NFATC1: variants seen among roughly 807,000 people sequenced by gnomAD.
The protein encoded by NFATC1 is nuclear factor of activated T cells 1.
NFATC1 carries 22 observed loss-of-function variants against 76.0 expected under a neutral mutation model. The ratio of observed to expected loss-of-function variants is 0.29; its 90% CI spans 0.21 to 0.41. NFATC1 has a LOEUF of 0.41. Among genes scored for constraint, NFATC1 ranks in the 10% least tolerant of loss-of-function variants. The pLI, the probability that NFATC1 is intolerant of heterozygous loss-of-function variation, is 1.00. For missense variants in NFATC1, 1,357 were observed against 1,337.7 expected, an observed-to-expected ratio of 1.01 and a Z score of -0.23; for synonymous variants, 704 against 613.1, an observed-to-expected ratio of 1.15 and a Z score of -2.19.
chr18:79,400,570 G>T, intron 1 of NFATC1: 2 of 1,181,124 alleles, frequency 1.7e-6, no homozygotes, highest in Non-Finnish European at 2.2e-6. Context: ...CGCTCCCCGG[G>T]GACCCCAGGA....
intron 2 of NFATC1, among the ~76,000 whole-genome samples, chr18:79,425,357 C>T (rs1013682422): frequency 5.3e-5 from 8 of 152,232 alleles, no homozygotes; most frequent in African/African-American, 1.2e-4. Flanking sequence ...ATGAGGCCCG[C>T]GGCTGCCGGC....
chr18:79,521,232 A>G (rs1384652839), intron 9 of NFATC1, among the ~76,000 whole-genome samples: 2 of 69,106 alleles, frequency 2.9e-5, no homozygotes, highest in African/African-American at 6.0e-5. Flanking sequence ...TGGGGGGTGG[A>G]GCATCCACTG....
chr18:79,410,798 A>G lies in NFATC1; in HGVS notation c.523A>G (p.Ser175Gly), dbSNP rs1259597905. Residue 175 changes from serine (S) to glycine (G), a missense_variant, in exon 2 of 10, where the codon AGC becomes GGC. Coordinates refer to ENST00000427363, the MANE Select transcript of NFATC1 (RefSeq NM_001278669.2). This position sits in a 1 kb window ranked among gnomAD's most constrained non-coding sequence, Gnocchi z 6.7. Reference sequence around the variant, plus strand: ...AGACCCCTCGTGCCTGAGCCCGGCCAGCAGCCTGTCCTCCCGGAGCTGCAA... The same window carrying G: ...AGACCCCTCGTGCCTGAGCCCGGCCGGCAGCCTGTCCTCCCGGAGCTGCAA... ...YRDPSCLSPA[S>G]SLSSRSCNSE... is the part of the protein sequence containing the mutation. 1.2e-5 allele frequency: 19 copies of G among 1,612,668 alleles called. No homozygotes were observed. Among genetic ancestry groups the G allele is most frequent in the Non-Finnish European group, 1.5e-5 (18 of 1,179,874 alleles).
intron 1 of NFATC1, among the ~76,000 whole-genome samples, chr18:79,402,127 A>G (rs543654102): frequency 6.6e-6 from 1 of 152,312 alleles, no homozygotes; most frequent in African/African-American, 2.4e-5. Flanking sequence ...TGCACACGTG[A>G]CTGTGCGCGA....
At chr18:79,409,819 T>G (rs1316874058) in intron 1 of NFATC1, among the ~76,000 whole-genome samples, 1 of 152,258 alleles carries the variant, frequency 6.6e-6, no homozygotes, top group African/African-American at 2.4e-5. Context: ...AGATGTTCTG[T>G]CTTCATGGAA....
intron 9 of NFATC1, chr18:79,496,089 G>C (rs1326301817): frequency 2.0e-5 from 3 of 152,694 alleles, no homozygotes; most frequent in Non-Finnish European, 4.4e-5. Context: ...TTGTAACGCT[G>C]TGTTTTTCTG....
intron 6 of NFATC1, among the ~76,000 whole-genome samples, chr18:79,453,814 T>A (rs1351585756): frequency 6.6e-6 from 1 of 152,202 alleles, no homozygotes; most frequent in Non-Finnish European, 1.5e-5. Context: ...ATTTGCATAT[T>A]CATACACACA....
At chr18:79,484,926 G>A (rs899518222) in intron 8 of NFATC1, among the ~76,000 whole-genome samples, 3 of 152,248 alleles carry the variant, frequency 2.0e-5, no homozygotes, top group Admixed American at 1.3e-4. Context: ...GGAAAACGCC[G>A]TCTCCATCGT....
intron 9 of NFATC1, among the ~76,000 whole-genome samples, chr18:79,510,299 G>A (rs1459888658): frequency 6.6e-6 from 1 of 152,110 alleles, no homozygotes; most frequent in Non-Finnish European, 1.5e-5. Context: ...TAGAATGAGT[G>A]AGTATTTAGG....
intron 1 of NFATC1, among the ~76,000 whole-genome samples, chr18:79,408,849 A>G (rs2085532870): frequency 6.9e-6 from 1 of 144,054 alleles, no homozygotes; most frequent in African/African-American, 2.6e-5. Context: ...TCATCCATCC[A>G]TCCATCATCA....
In NFATC1 at chr18:79,486,545, C is replaced by G. The variant is rs751037486; in HGVS notation, c.2390C>G (p.Ala797Gly). 41 of 1,595,480 alleles carry G rather than the reference C, an allele frequency of 2.6e-5. No individual in the cohort carries two copies. Among genetic ancestry groups the G allele is most frequent in the Non-Finnish European group, 3.4e-5 (40 of 1,176,432 alleles). The change falls in exon 9 of 10, where the codon GCC (alanine) becomes GGC (glycine). Residue 797 changes from alanine to glycine, a missense_variant. Physicochemically the swap from Ala to Gly is moderately conservative, Grantham distance 60 (BLOSUM62 0). Transcript: ENST00000427363. ...GGACTCCCGCAGCCGGCCGGAGAGG[C>G]CCCCGCCGTCCAGGACGTGCCCAGG... ...HLGLPQPAGE[A>G]PAVQDVPRPV...
At chr18:79,513,603 G>C (rs538408414) in intron 9 of NFATC1, among the ~76,000 whole-genome samples, 1 of 152,368 alleles carries the variant, frequency 6.6e-6, no homozygotes, top group South Asian at 2.1e-4. Context: ...GTCGTCTTTC[G>C]TGGGCAGCCC....
chr18:79,424,187 G>T (rs2086198309), intron 2 of NFATC1, among the ~76,000 whole-genome samples: 2 of 152,262 alleles, frequency 1.3e-5, no homozygotes, highest in South Asian at 4.1e-4. Context: ...CATGTCGGGG[G>T]TGACGCACAG....
rs1310487342 is a variant in NFATC1, at chr18:79,451,022, T to C, written c.1658T>C (p.Ile553Thr). 1.9e-6 allele frequency: 3 copies of C among 1,613,706 alleles called. No individual in the cohort carries two copies. The highest frequency in any genetic ancestry group is 2.5e-6 in the Non-Finnish European group (3 of 1,180,002). ...GAACTTCGGAAAGGAGAGACGGACA[T>C]CGGGAGGAAGAACACACGGGTACGG... is the stretch of plus-strand genomic sequence containing the variant. ...DIELRKGETD[I>T]GRKNTRVRLV... The change falls in exon 5 of 10, where the codon ATC becomes ACC. Residue 553 changes from isoleucine to threonine, a missense_variant. By Grantham distance (89) the Ile-to-Thr change is moderately conservative (BLOSUM62 -1). Around this residue, in one of 3 missense-constraint regions of NFATC1, gnomAD observed 242 missense variants for 329.2 expected, o/e 0.74. Transcript: ENST00000427363.
chr18:79,479,402 C>T (rs1321487504), intron 8 of NFATC1, among the ~76,000 whole-genome samples: 3 of 152,242 alleles, frequency 2.0e-5, no homozygotes, highest in Admixed American at 6.5e-5. Context: ...GACTCCCAGG[C>T]GCTCTTGCAG....
chr18:79,461,767 G>A (rs1021234997), intron 7 of NFATC1, among the ~76,000 whole-genome samples: 3 of 152,204 alleles, frequency 2.0e-5, no homozygotes, highest in African/African-American at 7.2e-5. Flanking sequence ...GCTGTGCTGA[G>A]TTCCCGGGGG....
intron 8 of NFATC1, among the ~76,000 whole-genome samples, chr18:79,473,660 G>A (rs530536040): frequency 7.4e-4 from 107 of 144,314 alleles, no homozygotes; most frequent in Non-Finnish European, 1.4e-3. Flanking sequence ...CGCGCTCACT[G>A]TCGACGTTGT....
intron 9 of NFATC1, among the ~76,000 whole-genome samples, chr18:79,514,589 AAAC>A (rs1412421953): frequency 4.4e-4 from 57 of 129,132 alleles, no homozygotes; most frequent in African/African-American, 1.1e-3. Flanking sequence ...AAAAAAAAAA[AAAC>A]CAATCTCACT....
At chr18:79,438,979 C>G (rs945530685) in intron 3 of NFATC1, among the ~76,000 whole-genome samples, 1 of 152,222 alleles carries the variant, frequency 6.6e-6, no homozygotes, top group East Asian at 1.9e-4. Flanking sequence ...GGCAGCTCTT[C>G]TTTTCCGGTT....
Sources: gnomAD v4.1 joint callset for allele counts (sites outside exome capture counted in the v4.1 genomes callset) on GRCh38, gnomAD v4.1.1 for gene constraint, gnomAD v4.1.1 regional missense constraint, Gnocchi (gnomAD v3.1) non-coding constraint, MANE v1.5 for transcripts, NCBI Gene and HGNC (gene_info 2026-07-23, HGNC 2026-07-21) for gene names.